The following CDC25A variants were observed in gnomAD, a reference collection of about 807,000 sequenced individuals.
CDC25A encodes the protein M-phase inducer phosphatase 1.
In CDC25A, 17 loss-of-function variants were observed where a neutral mutation model predicts 64.6. The ratio of observed to expected loss-of-function variants is 0.26; its 90% CI spans 0.18 to 0.39. CDC25A has a LOEUF of 0.39. Ranked by LOEUF, CDC25A falls within the 10% of genes least tolerant of loss-of-function variation. The pLI, the probability that CDC25A is intolerant of heterozygous loss-of-function variation, is 1.00. For synonymous variants in CDC25A, 229 were observed against 238.6 expected, an observed-to-expected ratio of 0.96 and a Z score of 0.37; for missense variants, 473 against 654.8, an observed-to-expected ratio of 0.72 and a Z score of 3.03.
Position 48,187,933 on chromosome 3 carries a change from C to T in CDC25A, c.15G>A (p.Pro5=), listed in dbSNP as rs1330870993. The T allele has an allele frequency of 2.6e-6, 4 of 1,520,278 alleles. No individual in the cohort carries two copies. Among genetic ancestry groups the T allele is most frequent in the African/African-American group, 2.8e-5 (2 of 70,466 alleles). 94.2% of individuals were successfully genotyped at this position (1,520,278 alleles called of 1,614,324 possible). A position where few individuals can be genotyped will look rare whatever the true frequency, so the allele number is the denominator to read the frequency against. Residue 5 remains proline (P), a synonymous_variant, in exon 1 of 15, where the codon CCG becomes CCA. Coordinates refer to ENST00000302506, the MANE Select transcript of CDC25A (RefSeq NM_001789.3). The part of the protein sequence containing the change: MELG[P]EPPHRRRLLF... Reference sequence around the variant, plus strand: ...GCAGGCGGCGGCGGTGCGGGGGCTCCGGGCCCAGTTCCATGGCGGCGCCCG... The same window carrying T: ...GCAGGCGGCGGCGGTGCGGGGGCTCTGGGCCCAGTTCCATGGCGGCGCCCG...
chr3:48,174,233 C>T, intron 9 of CDC25A, 51 bp downstream of exon 9: 3 of 1,498,376 alleles, frequency 2.0e-6, no homozygotes, highest in Non-Finnish European at 2.7e-6. Flanking sequence ...ATTTTTAGAA[C>T]TGAAAAATAC....
intron 9 of CDC25A, among the ~76,000 whole-genome samples, chr3:48,172,912 A>G (rs1016149329): frequency 1.3e-5 from 2 of 151,932 alleles, no homozygotes; most frequent in Admixed American, 1.3e-4. Flanking sequence ...AATGCAATGA[A>G]TTAACTTGAA....
intron 9 of CDC25A, among the ~76,000 whole-genome samples, chr3:48,169,963 C>T (rs942520233): frequency 6.6e-6 from 1 of 151,544 alleles, no homozygotes; most frequent in East Asian, 1.9e-4. Context: ...GAGCAGAGAT[C>T]GACCCATGGC....
In CDC25A at chr3:48,174,093, G is replaced by A. The variant is rs111963346; in HGVS notation, c.930+191C>T. On this transcript the variant is annotated intron_variant, in intron 9 of 14. Coordinates refer to ENST00000302506, the MANE Select transcript of CDC25A (RefSeq NM_001789.3). ...AGGATCACTTGAGGCTAGGAGTTCA[G>A]GACCAGCGTGGGCAACATCGCTAGA... Among the ~76,000 whole-genome samples the A allele has an allele frequency of 2.1e-3, 318 of 152,098 alleles. 3 individuals carry two copies. The highest frequency in any genetic ancestry group is 6.8e-3 in the African/African-American group (284 of 41,482).
chr3:48,170,133 A>G (rs2032213478), intron 9 of CDC25A, among the ~76,000 whole-genome samples: 1 of 152,238 alleles, frequency 6.6e-6, no homozygotes, highest in South Asian at 2.1e-4. Context: ...AACAGAAGAC[A>G]GAAGTGCTGT....
At chr3:48,165,759 T>C in intron 11 of CDC25A, 25 bp from the exon 12 acceptor site, 1 of 1,603,126 alleles carries the variant, frequency 6.2e-7, no homozygotes, top group Non-Finnish European at 8.5e-7. Context: ...TTAGGGAGAA[T>C]CAACTTTGAC....
intron 7 of CDC25A, 72 bp downstream of exon 7, chr3:48,177,782 C>T: frequency 1.3e-6 from 2 of 1,573,894 alleles, no homozygotes; most frequent in South Asian, 2.2e-5. Flanking sequence ...TGTTCTTTTT[C>T]ACATCACATG....
intron 3 of CDC25A, among the ~76,000 whole-genome samples, 189 bp from the exon 4 acceptor site, chr3:48,184,025 G>A (rs910945161): frequency 6.6e-6 from 1 of 151,864 alleles, no homozygotes; most frequent in South Asian, 2.1e-4. Flanking sequence ...AGACTTCTAG[G>A]TGAAAAAAAA....
chr3:48,171,147 A>C (rs1478579115), intron 9 of CDC25A, among the ~76,000 whole-genome samples: 1 of 151,834 alleles, frequency 6.6e-6, no homozygotes, highest in African/African-American at 2.4e-5. Context: ...CAAGGCGGAT[A>C]TATCACCTGA....
At chr3:48,174,151 CCACACACA>C (rs367917762) in intron 9 of CDC25A, 125 bp downstream of exon 9, 3 of 708,026 alleles carry the variant, frequency 4.2e-6, no homozygotes, top group African/African-American at 3.6e-5. Context: ...ACACACACAC[CCACACACA>C]CACACAACCC....
intron 8 of CDC25A, 72 bp from the exon 9 acceptor site, chr3:48,174,529 C>A: frequency 2.1e-6 from 3 of 1,434,228 alleles, no homozygotes; most frequent in Non-Finnish European, 2.9e-6. Flanking sequence ...GACAAATAAA[C>A]CGAAGGTTTC....
Position 48,177,373 on chromosome 3 carries a change from G to A in CDC25A, c.754C>T (p.Leu252Phe), listed in dbSNP as rs1278190917. The A allele has an allele frequency of 4.3e-6, 7 of 1,612,178 alleles. No individual in the cohort carries two copies. Among genetic ancestry groups the A allele is most frequent in the Admixed American group, 1.7e-5 (1 of 60,024 alleles). Residue 252 changes from leucine (L) to phenylalanine (F), a missense_variant and splice_region_variant, in exon 8 of 15, where the codon CTT (leucine) becomes TTT (phenylalanine). This residue lies in a region of CDC25A where 376 missense variants were observed against 431.9 expected (regional missense o/e 0.87). Coordinates refer to ENST00000302506, the MANE Select transcript of CDC25A (RefSeq NM_001789.3). Reference sequence around the variant, plus strand: ...CCAGACACACTAGAACAACTCACAAGGTTTGTAGTTCTCATGACGAGAGGA... The same window carrying A: ...CCAGACACACTAGAACAACTCACAAAGTTTGTAGTTCTCATGACGAGAGGA... The part of the protein sequence containing the change: ...TAPLVMRTTN[L>F]DNRCKLFDSP...
In CDC25A at chr3:48,177,859, G is replaced by T. The variant is rs1020851978; in HGVS notation, c.679C>A (p.Leu227Met). 6.2e-7 allele frequency: 1 copy of T among 1,613,724 alleles called. No individual in the cohort carries two copies. The highest frequency in any genetic ancestry group is 1.7e-5 in the Admixed American group (1 of 59,976). The change falls in exon 7 of 15, where the codon CTG becomes ATG. Residue 227 changes from leucine (L) to methionine (M), a missense_variant. Leu to Met is a conservative substitution (Grantham distance 15, BLOSUM62 2). This residue lies in a region of CDC25A where 376 missense variants were observed against 431.9 expected (regional missense o/e 0.87). Transcript: ENST00000302506. ...CACACACACACACACGGTACCTTCA[G>T]ATTCTCTCCATCGAGAAGGTCCACG... ...GFVDLLDGEN[L>M]KNEEETPSCM...
At chr3:48,179,284 T>C (rs1385724934) in intron 6 of CDC25A, among the ~76,000 whole-genome samples, 2 of 152,172 alleles carry the variant, frequency 1.3e-5, no homozygotes, top group African/African-American at 2.4e-5. Context: ...GATTCCTAGG[T>C]GCAGATGTGA....
intron 8 of CDC25A, 47 bp downstream of exon 8, chr3:48,177,324 T>C (rs768705877): frequency 7.2e-7 from 1 of 1,387,690 alleles, no homozygotes; most frequent in Non-Finnish European, 1.0e-6. Flanking sequence ...CTCTGTCCAG[T>C]GCCCCAATCA....
At chr3:48,180,234 C>A (rs2032613086) in intron 6 of CDC25A, 1 of 152,530 alleles carries the variant, frequency 6.6e-6, no homozygotes, top group Non-Finnish European at 1.5e-5. Context: ...CTGTTCTTAA[C>A]AAACCACCTT....
At chr3:48,183,060 G>T in intron 4 of CDC25A, 30 bp from the exon 5 acceptor site, 1 of 1,473,284 alleles carries the variant, frequency 6.8e-7, no homozygotes, top group Non-Finnish European at 9.5e-7. Context: ...AAATAATTAA[G>T]GCACACAAAT....
intron 3 of CDC25A, among the ~76,000 whole-genome samples, chr3:48,184,044 T>A (rs943535677): frequency 4.6e-5 from 7 of 152,030 alleles, no homozygotes; most frequent in Non-Finnish European, 1.0e-4. Flanking sequence ...AACAAACCCA[T>A]GTCTTTTCTT....
chr3:48,169,697 T>C (rs1350400725), intron 9 of CDC25A, among the ~76,000 whole-genome samples: 2 of 152,126 alleles, frequency 1.3e-5, no homozygotes, highest in Admixed American at 1.3e-4. Context: ...GACTGGATAT[T>C]TGACATTTGA....
Sources: allele counts gnomAD v4.1 joint callset (sites outside exome capture counted in the v4.1 genomes callset), GRCh38; gene constraint gnomAD v4.1.1; regional missense constraint gnomAD v4.1.1; transcripts MANE v1.5; gene names NCBI Gene and HGNC (gene_info 2026-07-23, HGNC 2026-07-21).